MAGI2: variants seen among roughly 807,000 people sequenced by gnomAD.
MAGI2 encodes membrane-associated guanylate kinase, WW and PDZ domain-containing protein 2.
In MAGI2, 35 loss-of-function variants were observed where a neutral mutation model predicts 133.3. The ratio of observed to expected loss-of-function variants is 0.26; its 90% CI spans 0.20 to 0.35. The LOEUF is 0.35. Ranked by LOEUF, MAGI2 falls within the 10% of genes least tolerant of loss-of-function variation. The pLI is 1.00. For synonymous variants in MAGI2, 729 were observed against 710.6 expected, an observed-to-expected ratio of 1.03 and a Z score of -0.41; for missense variants, 1,636 against 1,863.4, an observed-to-expected ratio of 0.88 and a Z score of 2.25.
In MAGI2 at chr7:79,013,770, T is replaced by C. The variant is rs554947179; in HGVS notation, c.302-6564A>G. The stretch of plus-strand genomic sequence containing the variant: ...ACACAAAATCACTGCATGCATTTGA[T>C]CTAGACTAGACAGTCTATAAATTAT... On this transcript the variant is annotated intron_variant, in intron 1 of 21. Transcript: ENST00000354212. Among the ~76,000 whole-genome samples, 13 of 152,274 alleles carry C rather than the reference T, an allele frequency of 8.5e-5. No individual in the cohort carries two copies. In the East Asian group the frequency reaches 2.5e-3, roughly 29 times the overall value.
chr7:78,337,520 C>G (rs1371790396), intron 9 of MAGI2, among the ~76,000 whole-genome samples: 1 of 152,160 alleles, frequency 6.6e-6, no homozygotes, highest in Admixed American at 6.5e-5. Context: ...CTACTGACAT[C>G]TTTTTGCCTA....
At chr7:78,741,823 A>T (rs1018631762) in intron 2 of MAGI2, among the ~76,000 whole-genome samples, 9 of 152,110 alleles carry the variant, frequency 5.9e-5, no homozygotes, top group Non-Finnish European at 4.4e-5. Flanking sequence ...CTATATGACG[A>T]CCTATACATA....
intron 2 of MAGI2, among the ~76,000 whole-genome samples, chr7:78,701,603 A>C (rs1818081566): frequency 2.0e-5 from 3 of 151,922 alleles, no homozygotes; most frequent in Admixed American, 2.0e-4. Flanking sequence ...CAGGTTAGTT[A>C]ATAGGAATCA....
intron 20 of MAGI2, among the ~76,000 whole-genome samples, chr7:78,099,197 G>T (rs1403878977): frequency 6.6e-6 from 1 of 152,098 alleles, no homozygotes; most frequent in Non-Finnish European, 1.5e-5. Context: ...GGTTTTATTA[G>T]AAGTTAATCC....
chr7:78,525,123 C>T (rs556998728), intron 3 of MAGI2, among the ~76,000 whole-genome samples: 1 of 152,026 alleles, frequency 6.6e-6, no homozygotes, highest in African/African-American at 2.4e-5. Context: ...ATAAATTATA[C>T]AACAATATTC....
intron 9 of MAGI2, among the ~76,000 whole-genome samples, chr7:78,295,277 C>T (rs1490783312): frequency 6.6e-6 from 1 of 152,128 alleles, no homozygotes; most frequent in Non-Finnish European, 1.5e-5. Flanking sequence ...CTGCTTCCGC[C>T]TTATATCTAT....
chr7:79,174,040 G>T (rs543749661), intron 1 of MAGI2, among the ~76,000 whole-genome samples: 5 of 151,944 alleles, frequency 3.3e-5, no homozygotes, highest in African/African-American at 1.2e-4. Flanking sequence ...GAAAATATTA[G>T]AATTCATCAC....
intron 2 of MAGI2, among the ~76,000 whole-genome samples, chr7:78,748,376 A>G (rs1334806165): frequency 6.6e-6 from 1 of 152,174 alleles, no homozygotes; most frequent in African/African-American, 2.4e-5. Flanking sequence ...GGAATTCCAT[A>G]AAAAGGAAAG....
At chr7:79,002,131 CTTCT>C (rs1351989361) in intron 2 of MAGI2, among the ~76,000 whole-genome samples, 11 of 122,654 alleles carry the variant, frequency 9.0e-5, no homozygotes, top group African/African-American at 1.2e-4. Context: ...TCTTCTTCTT[CTTCT>C]TTTTTTTTTT....
chr7:78,113,000 G>T (rs993143595), intron 20 of MAGI2, among the ~76,000 whole-genome samples: 2 of 152,142 alleles, frequency 1.3e-5, no homozygotes, highest in Non-Finnish European at 2.9e-5. Context: ...GGGAACGGGT[G>T]GGGGAAGAGC....
intron 3 of MAGI2, among the ~76,000 whole-genome samples, chr7:78,607,727 C>T (rs1264035895): frequency 1.3e-5 from 2 of 152,106 alleles, no homozygotes; most frequent in Admixed American, 6.5e-5. Context: ...GCTAAAATAA[C>T]CAGACTACAG....
At chr7:78,038,942 T>G (rs566135839) in intron 21 of MAGI2, among the ~76,000 whole-genome samples, 31 of 152,376 alleles carry the variant, frequency 2.0e-4, no homozygotes, top group Admixed American at 8.5e-4. Context: ...GCCATAACTA[T>G]GATTCCAGAG....
At chr7:79,163,392 G>T (rs1824586301) in intron 1 of MAGI2, among the ~76,000 whole-genome samples, 1 of 151,748 alleles carries the variant, frequency 6.6e-6, no homozygotes, top group African/African-American at 2.4e-5. Flanking sequence ...CAGGCTGGTT[G>T]CCAACTCCTG....
chr7:78,272,259 G>T (rs189091346), intron 9 of MAGI2, among the ~76,000 whole-genome samples: 12 of 152,312 alleles, frequency 7.9e-5, no homozygotes, highest in African/African-American at 2.9e-4. Context: ...GGTTTTGAAT[G>T]AGTTTCTTAA....
chr7:79,232,401 C>T (rs373494696), intron 1 of MAGI2, among the ~76,000 whole-genome samples: 8 of 141,944 alleles, frequency 5.6e-5, no homozygotes, highest in Non-Finnish European at 7.6e-5. Context: ...TGGTAGAATT[C>T]GGCTGTGAAT....
At chr7:78,374,422 T>C (rs1291082027) in intron 6 of MAGI2, among the ~76,000 whole-genome samples, 1 of 152,146 alleles carries the variant, frequency 6.6e-6, no homozygotes, top group East Asian at 1.9e-4. Flanking sequence ...TGTTTTTTGC[T>C]TCTTCAATTA....
chr7:79,099,848 T>C (rs1045449548), intron 1 of MAGI2, among the ~76,000 whole-genome samples: 1 of 152,194 alleles, frequency 6.6e-6, no homozygotes, highest in Non-Finnish European at 1.5e-5. Context: ...ACCATAACTT[T>C]TAAAATTCTT....
In MAGI2 at chr7:78,454,617, T is replaced by C. The variant is rs141908757; in HGVS notation, c.1045+35144A>G. Among the ~76,000 whole-genome samples the C allele has an allele frequency of 4.1e-4, 63 of 152,308 alleles. 1 individual carries two copies. The East Asian group carries it at 0.012, about 29-fold the overall frequency. On this transcript the variant is annotated intron_variant, in intron 6 of 21. Coordinates refer to ENST00000354212, the MANE Select transcript of MAGI2 (RefSeq NM_012301.4). Reference sequence around the variant, plus strand: ...TTATGTCCACACAAAAACCTGCATGTGAATGTTTGTAGCAACTTAATTCAT... The same window carrying C: ...TTATGTCCACACAAAAACCTGCATGCGAATGTTTGTAGCAACTTAATTCAT...
intron 1 of MAGI2, chr7:79,125,886 C>A (rs985116127): frequency 4.6e-6 from 2 of 435,724 alleles, no homozygotes; most frequent in East Asian, 1.4e-4. Context: ...TTACAGGTTA[C>A]AAAGGATTTA....
Sources: allele counts gnomAD v4.1 joint callset (sites outside exome capture counted in the v4.1 genomes callset), GRCh38; gene constraint gnomAD v4.1.1; transcripts MANE v1.5; gene names NCBI Gene and HGNC (gene_info 2026-07-23, HGNC 2026-07-21).